The following ARHGAP23 variants were observed in gnomAD, a reference collection of about 807,000 sequenced individuals.
The protein encoded by ARHGAP23 is rho GTPase-activating protein 23.
Under a neutral mutation model 136.3 loss-of-function variants are expected in ARHGAP23, and 34 were observed. The observed-to-expected ratio is 0.25, with a 90% CI of 0.19 to 0.33. The LOEUF (loss-of-function observed/expected upper bound fraction) is 0.33, where lower values mean the gene tolerates loss of function less well. Ranked by LOEUF, ARHGAP23 falls within the 10% of genes least tolerant of loss-of-function variation. The pLI is 1.00. For synonymous variants in ARHGAP23, 832 were observed against 920.5 expected, an observed-to-expected ratio of 0.90 and a Z score of 1.74; for missense variants, 1,808 against 2,139.0, an observed-to-expected ratio of 0.85 and a Z score of 3.05.
intron 16 of ARHGAP23, among the ~76,000 whole-genome samples, chr17:38,485,437 C>T (rs1203587517): frequency 1.3e-5 from 2 of 152,098 alleles, no homozygotes; most frequent in Non-Finnish European, 2.9e-5. Context: ...CCTGTCTCCT[C>T]CTGGAGCTTA....
At chr17:38,445,300 AC>A (rs1412469821) in intron 1 of ARHGAP23, among the ~76,000 whole-genome samples, 4 of 99,292 alleles carry the variant, frequency 4.0e-5, no homozygotes, top group Admixed American at 3.7e-4. Flanking sequence ...CCCTGTCTCT[AC>A]TTAAAAAAAA....
At chr17:38,486,836 G>A (rs2040170711) in intron 17 of ARHGAP23, among the ~76,000 whole-genome samples, 2 of 152,212 alleles carry the variant, frequency 1.3e-5, no homozygotes, top group African/African-American at 4.8e-5. Context: ...CCAGGCGTCG[G>A]GCACCGACGG....
At chr17:38,428,671 C>T (rs2038615995) in intron 1 of ARHGAP23, 123 bp downstream of exon 1, 8 of 572,504 alleles carry the variant, frequency 1.4e-5, no homozygotes, top group African/African-American at 2.0e-5. Flanking sequence ...GGCGCGGGCA[C>T]CGCGGGCACC....
At chr17:38,509,921 A>T in intron 23 of ARHGAP23, 23 bp from the exon 24 acceptor site, 1 of 1,246,372 alleles carries the variant, frequency 8.0e-7, no homozygotes, top group Non-Finnish European at 1.0e-6. Context: ...CGCCCCCCGC[A>T]TCCTGACCTG....
chr17:38,479,759 C>T lies in ARHGAP23; in HGVS notation c.2505C>T (p.Ser835=). 6.7e-7 allele frequency: 1 copy of T among 1,487,486 alleles called. No individual in the cohort carries two copies. 92.1% of individuals were successfully genotyped at this position (1,487,486 alleles called of 1,614,324 possible). A position where few individuals can be genotyped will look rare whatever the true frequency, so the allele number is the denominator to read the frequency against. The change falls in exon 14 of 24, where the codon AGC becomes AGT. Residue 835 remains serine (S), a synonymous_variant. Transcript: ENST00000622683. ...KLNDYRKVSH[S]SGPKADSSPK... The stretch of plus-strand genomic sequence containing the variant: ...CCCCCTTTTTCCTACACAGCCATAG[C>T]TCTGGGCCCAAAGCTGATTCCTCCC...
rs2039909365 is a variant in ARHGAP23 at position 38,477,038 on chromosome 17, G to C, written c.2119-541G>C. ...CTGGCTGTGTCAGATGCCGCTGAGG[G>C]GTTAAGGCAAGTTGGGGAGAAGCAG... On this transcript the variant is annotated intron_variant, in intron 11 of 23. Transcript: ENST00000622683. This position sits in a 1 kb window ranked among gnomAD's most constrained non-coding sequence, Gnocchi z 6.6. Among the ~76,000 whole-genome samples the C allele has an allele frequency of 6.6e-6, 1 of 152,148 alleles. No individual in the cohort carries two copies.
intron 1 of ARHGAP23, among the ~76,000 whole-genome samples, chr17:38,438,117 T>G (rs999863347): frequency 6.6e-6 from 1 of 152,040 alleles, no homozygotes; most frequent in Non-Finnish European, 1.5e-5. Flanking sequence ...GGGCAAGAGA[T>G]CGAGACCGTC....
rs1276012126 is a variant in ARHGAP23, at chr17:38,510,668, C to A, written c.4172C>A (p.Pro1391Gln). The change falls in exon 24 of 24, where the codon CCG (proline) becomes CAG (glutamine). Residue 1391 changes from proline (P) to glutamine (Q), a missense_variant. By Grantham distance (76) the Pro-to-Gln change is moderately conservative (BLOSUM62 -1). Coordinates refer to ENST00000622683, the MANE Select transcript of ARHGAP23 (RefSeq NM_001199417.2). This position sits in a 1 kb window ranked among gnomAD's most constrained non-coding sequence, Gnocchi z 4.6. Reference sequence around the variant, plus strand: ...ATGCTCGCCGTGCGCCTGCGGCGGCCGCTGTCGCCCGAGACCCGGCGGCGC... The same window carrying A: ...ATGCTCGCCGTGCGCCTGCGGCGGCAGCTGTCGCCCGAGACCCGGCGGCGC... ...DDMLAVRLRR[P>Q]LSPETRRRRS... The A allele has an allele frequency of 7.2e-7, 1 of 1,392,040 alleles. No homozygotes were observed. The highest frequency in any genetic ancestry group is 9.2e-7 in the Non-Finnish European group (1 of 1,081,550). The allele number at this position is 1,392,040 out of a possible 1,614,324, so 86.2% of individuals were successfully genotyped here. A position where few individuals can be genotyped will look rare whatever the true frequency, so the allele number is the denominator to read the frequency against.
At chr17:38,443,136 C>T (rs1379424364) in intron 1 of ARHGAP23, among the ~76,000 whole-genome samples, 1 of 152,222 alleles carries the variant, frequency 6.6e-6, no homozygotes, top group East Asian at 1.9e-4. Context: ...CAAGTGTGGC[C>T]TTTTCTCTGT....
intron 1 of ARHGAP23, among the ~76,000 whole-genome samples, chr17:38,430,652 G>A (rs34295864): frequency 7.5e-4 from 115 of 152,322 alleles, no homozygotes; most frequent in African/African-American, 2.6e-3. Context: ...TAGATACTCA[G>A]GAGAACTTCT....
At chr17:38,465,589 G>A (rs1434784620) in intron 6 of ARHGAP23, among the ~76,000 whole-genome samples, 1 of 152,230 alleles carries the variant, frequency 6.6e-6, no homozygotes, top group African/African-American at 2.4e-5. Flanking sequence ...AGGCCCAGGG[G>A]TGGCAGAAGG....
At chr17:38,485,254 G>C (rs1224461869) in intron 16 of ARHGAP23, among the ~76,000 whole-genome samples, 2 of 152,138 alleles carry the variant, frequency 1.3e-5, no homozygotes. Context: ...CTCCCAGTTG[G>C]GAAAATCAAA....
chr17:38,436,345 G>T (rs1057346606), intron 1 of ARHGAP23, among the ~76,000 whole-genome samples: 11 of 152,098 alleles, frequency 7.2e-5, no homozygotes, highest in Admixed American at 7.2e-4. Context: ...TGAGAGACGG[G>T]ATGTGGTCTG....
At chr17:38,461,412 C>T (rs1004524207) in intron 3 of ARHGAP23, among the ~76,000 whole-genome samples, 11 of 152,212 alleles carry the variant, frequency 7.2e-5, no homozygotes, top group African/African-American at 2.7e-4. Context: ...CCTGACTCCC[C>T]TTGCTGTGGC....
intron 1 of ARHGAP23, among the ~76,000 whole-genome samples, chr17:38,435,890 C>T (rs7214120): frequency 0.48 from 72,661 of 152,142 alleles, 19,170 homozygotes; most frequent in African/African-American, 0.72. Flanking sequence ...CGTGAGCCAC[C>T]GTGCCTGGCC....
At chr17:38,494,361 T>C (rs1002213300) in intron 20 of ARHGAP23, among the ~76,000 whole-genome samples, 1 of 152,224 alleles carries the variant, frequency 6.6e-6, no homozygotes, top group Non-Finnish European at 1.5e-5. Context: ...CTCTTCGTCG[T>C]GGTCATTATT....
At chr17:38,480,004 A>C in intron 14 of ARHGAP23, 121 bp downstream of exon 14, 1 of 1,383,556 alleles carries the variant, frequency 7.2e-7, no homozygotes, top group Non-Finnish European at 9.8e-7. Flanking sequence ...TGCCAGGGCT[A>C]CCGGTATGTC....
At position 38,491,307 on chromosome 17, in the gene ARHGAP23, G is replaced by A. The variant is rs1432204181; in HGVS notation, c.3151-100G>A. On this transcript the variant is annotated intron_variant, in intron 19 of 23. Coordinates refer to ENST00000622683, the MANE Select transcript of ARHGAP23 (RefSeq NM_001199417.2). Reference sequence around the variant, plus strand: ...GGGGGTGTCCACCCTCTAAGCTGGGGACTGGTGAGGATGTAGTTGGGGACA... The same window carrying A: ...GGGGGTGTCCACCCTCTAAGCTGGGAACTGGTGAGGATGTAGTTGGGGACA... 3 of 1,474,658 alleles carry A rather than the reference G, an allele frequency of 2.0e-6. No individual in the cohort carries two copies. In the African/African-American group the frequency reaches 4.2e-5, roughly 21 times the overall value. 91.3% of individuals were successfully genotyped at this position (1,474,658 alleles called of 1,614,324 possible).
chr17:38,493,507 A>T (rs1385401913), intron 20 of ARHGAP23, among the ~76,000 whole-genome samples: 1 of 151,726 alleles, frequency 6.6e-6, no homozygotes, highest in Non-Finnish European at 1.5e-5. Flanking sequence ...GGGCTTTTCT[A>T]CTCAGAGATT....
Sources: gnomAD v4.1 joint callset for allele counts (sites outside exome capture counted in the v4.1 genomes callset) on GRCh38, gnomAD v4.1.1 for gene constraint, Gnocchi (gnomAD v3.1) non-coding constraint, MANE v1.5 for transcripts, NCBI Gene and HGNC (gene_info 2026-07-23, HGNC 2026-07-21) for gene names.